Variants in GRM3 observed in about 807,000 individuals in gnomAD.
GRM3 encodes the protein glutamate metabotropic receptor 3.
A neutral mutation model predicts 70.5 loss-of-function variants in GRM3; 26 were observed. That is an observed-to-expected ratio of 0.37 (90% confidence interval 0.27 to 0.51). The LOEUF (loss-of-function observed/expected upper bound fraction) is 0.51, where lower values mean the gene tolerates loss of function less well. Ranked by LOEUF, GRM3 falls within the 20% of genes least tolerant of loss-of-function variation. The pLI is 0.93. For missense variants in GRM3, 859 were observed against 1,123.8 expected (o/e 0.76, Z 3.37); for synonymous variants, 443 against 434.9 (o/e 1.02, Z -0.23).
At chr7:86,706,999 A>G (rs1227189061) in intron 1 of GRM3, among the ~76,000 whole-genome samples, 1 of 152,056 alleles carries the variant, frequency 6.6e-6, no homozygotes, top group Non-Finnish European at 1.5e-5. Context: ...TGCTTTTTAA[A>G]ATTTTCTTTG....
At chr7:86,801,126 A>G (rs1797673485) in intron 3 of GRM3, among the ~76,000 whole-genome samples, 1 of 132,124 alleles carries the variant, frequency 7.6e-6, no homozygotes, top group Non-Finnish European at 1.5e-5. Flanking sequence ...ACTGGAGTGC[A>G]GTGGCATGAT....
chr7:86,739,028 A>T (rs757133950), intron 1 of GRM3, among the ~76,000 whole-genome samples: 4 of 152,192 alleles, frequency 2.6e-5, no homozygotes, highest in Admixed American at 6.5e-5. Context: ...CCCAGGCTGG[A>T]GTGCAGTGGT....
chr7:86,855,123 G>A (rs1391858276), intron 5 of GRM3, among the ~76,000 whole-genome samples: 1 of 152,160 alleles, frequency 6.6e-6, no homozygotes, highest in Non-Finnish European at 1.5e-5. Flanking sequence ...ATGAAAAAGA[G>A]GTCATTTTTA....
chr7:86,772,142 A>G (rs1281671094), intron 2 of GRM3, among the ~76,000 whole-genome samples: 2 of 152,126 alleles, frequency 1.3e-5, no homozygotes, highest in Admixed American at 6.6e-5. Context: ...TCTTTATATT[A>G]TATTACTGAT....
chr7:86,859,726 C>G (rs1303219160), intron 5 of GRM3, among the ~76,000 whole-genome samples: 1 of 152,150 alleles, frequency 6.6e-6, no homozygotes, highest in Non-Finnish European at 1.5e-5. Context: ...AATTGACTAA[C>G]AGACTTGGCA....
In GRM3 at chr7:86,801,778, G is replaced by A. The variant is rs546136506; in HGVS notation, c.1324+14662G>A. On this transcript the variant is annotated intron_variant, in intron 3 of 5. Coordinates refer to ENST00000361669, the MANE Select transcript of GRM3 (RefSeq NM_000840.3). Reference sequence around the variant, plus strand: ...CATAGTGAGCAGAGGGTCAGAAAAGGCTTCCTAAAAGTTATAATTTTTAGA... The same window carrying A: ...CATAGTGAGCAGAGGGTCAGAAAAGACTTCCTAAAAGTTATAATTTTTAGA... Among the ~76,000 whole-genome samples, 9 of 152,076 alleles carry A rather than the reference G, an allele frequency of 5.9e-5. No individual in the cohort carries two copies. In the South Asian group the frequency reaches 1.7e-3, roughly 28 times the overall value.
At chr7:86,810,858 A>G (rs372714848) in intron 3 of GRM3, among the ~76,000 whole-genome samples, 2 of 152,036 alleles carry the variant, frequency 1.3e-5, no homozygotes, top group African/African-American at 2.4e-5. Context: ...ACATATCTAC[A>G]TACACACATT....
chr7:86,683,829 A>C (rs987070136), intron 1 of GRM3, among the ~76,000 whole-genome samples: 11 of 152,180 alleles, frequency 7.2e-5, no homozygotes, highest in Non-Finnish European at 1.5e-4. Context: ...AGCCATTTCT[A>C]TATCTAGTAC....
In GRM3 at chr7:86,787,920, C is replaced by A. The variant is rs535213695; in HGVS notation, c.1324+804C>A. ...ATTGAATGCATTACTACGTAAAAAG[C>A]ACAAAATCTTTAGGTCTACATTCTC... On this transcript the variant is annotated intron_variant, in intron 3 of 5. Coordinates refer to ENST00000361669, the MANE Select transcript of GRM3 (RefSeq NM_000840.3). 1.2e-4 allele frequency among the ~76,000 whole-genome samples: 18 copies of A among 152,292 alleles called. No individual in the cohort carries two copies. In the South Asian group the frequency reaches 3.3e-3, roughly 28 times the overall value.
chr7:86,696,998 A>G (rs1297920505), intron 1 of GRM3, among the ~76,000 whole-genome samples: 1 of 152,164 alleles, frequency 6.6e-6, no homozygotes, highest in Non-Finnish European at 1.5e-5. Context: ...ATGGACGGTA[A>G]AAGATGTCTA....
chr7:86,808,338 T>TGA (rs1003237767), intron 3 of GRM3, among the ~76,000 whole-genome samples: 3 of 152,164 alleles, frequency 2.0e-5, no homozygotes, highest in African/African-American at 7.2e-5. Flanking sequence ...CTCCTCTTTG[T>TGA]ACCTCTGGTA....
intron 1 of GRM3, among the ~76,000 whole-genome samples, chr7:86,646,899 G>T (rs541270991): frequency 2.6e-5 from 4 of 151,904 alleles, no homozygotes; most frequent in Non-Finnish European, 5.9e-5. Flanking sequence ...AAAAAGTTGT[G>T]GTATACATGT....
At chr7:86,785,327 T>C (rs1049812441) in intron 2 of GRM3, among the ~76,000 whole-genome samples, 4 of 152,224 alleles carry the variant, frequency 2.6e-5, no homozygotes, top group Non-Finnish European at 5.9e-5. Context: ...TCTCTTCAAA[T>C]ACTGTATGCA....
At chr7:86,745,139 CT>C (rs1796073367) in intron 1 of GRM3, among the ~76,000 whole-genome samples, 2 of 152,068 alleles carry the variant, frequency 1.3e-5, no homozygotes, top group African/African-American at 4.8e-5. Context: ...TTCCAGTTGG[CT>C]TTGTTAAACA....
intron 3 of GRM3, among the ~76,000 whole-genome samples, chr7:86,818,869 G>T (rs1280159871): frequency 6.6e-6 from 1 of 152,076 alleles, no homozygotes; most frequent in African/African-American, 2.4e-5. Flanking sequence ...CACGATGTGG[G>T]CCAATTTCCT....
chr7:86,842,737 T>C (rs1426520051), intron 4 of GRM3, among the ~76,000 whole-genome samples: 1 of 152,176 alleles, frequency 6.6e-6, no homozygotes, highest in Non-Finnish European at 1.5e-5. Flanking sequence ...ACAAAGTTTA[T>C]ATCTCAGCTG....
chr7:86,839,665 T>C lies in GRM3; in HGVS notation c.2151T>C (p.Tyr717=). 6.2e-7 allele frequency: 1 copy of C among 1,613,972 alleles called. No individual in the cohort carries two copies. The highest frequency in any genetic ancestry group is 8.5e-7 in the Non-Finnish European group (1 of 1,179,862). ...LILEAPGTRR[Y]TLAEKRETVI... ...TGGAGGCCCCAGGCACCAGGAGGTA[T>C]ACCCTTGCAGAGAAGCGGGAAACAG... The change falls in exon 4 of 6, where the codon TAT becomes TAC. Residue 717 remains tyrosine, a synonymous_variant. Coordinates refer to ENST00000361669, the MANE Select transcript of GRM3 (RefSeq NM_000840.3). The surrounding 1 kb of genome is among the most constrained non-coding windows in gnomAD (Gnocchi z 4.5).
chr7:86,645,811 G>T, intron 1 of GRM3, among the ~76,000 whole-genome samples: 2 of 152,146 alleles, frequency 1.3e-5, no homozygotes. Flanking sequence ...TATTTGAATA[G>T]TAATAGATAT....
At chr7:86,813,439 C>A (rs1193704029) in intron 3 of GRM3, among the ~76,000 whole-genome samples, 1 of 151,866 alleles carries the variant, frequency 6.6e-6, no homozygotes, top group African/African-American at 2.4e-5. Flanking sequence ...CCTGTGTATT[C>A]TCATCACTTA....
Sources: allele counts gnomAD v4.1 joint callset (sites outside exome capture counted in the v4.1 genomes callset), GRCh38; gene constraint gnomAD v4.1.1; non-coding constraint Gnocchi (gnomAD v3.1); transcripts MANE v1.5; gene names NCBI Gene and HGNC (gene_info 2026-07-23, HGNC 2026-07-21).